The following CEP85L variants were observed in gnomAD, a reference collection of about 807,000 sequenced individuals.
CEP85L encodes centrosomal protein of 85 kDa-like.
In CEP85L, 60 loss-of-function variants were observed where a neutral mutation model predicts 100.3. The ratio of observed to expected loss-of-function variants is 0.60; its 90% CI spans 0.49 to 0.74. The LOEUF (loss-of-function observed/expected upper bound fraction) is 0.74. CEP85L is among the 30% of genes least tolerant of loss of function. CEP85L has a pLI of 0.00. For synonymous variants in CEP85L, 319 were observed against 322.7 expected, an observed-to-expected ratio of 0.99 and a Z score of 0.12; for missense variants, 973 against 936.2, an observed-to-expected ratio of 1.04 and a Z score of -0.51.
intron 3 of CEP85L, among the ~76,000 whole-genome samples, chr6:118,561,912 A>T (rs1263040947): frequency 6.6e-6 from 1 of 152,148 alleles, no homozygotes; most frequent in Non-Finnish European, 1.5e-5. Context: ...TTATCTTTTG[A>T]TTATTTTTGA....
chr6:118,584,609 T>C (rs1209268336), intron 2 of CEP85L, among the ~76,000 whole-genome samples: 3 of 152,170 alleles, frequency 2.0e-5, no homozygotes, highest in African/African-American at 7.2e-5. Context: ...AAGAAGGGAA[T>C]GGCCCTGGGA....
chr6:118,610,131 GAGATTTTTTTAA>G (rs1447208960), intron 2 of CEP85L, among the ~76,000 whole-genome samples: 5 of 152,094 alleles, frequency 3.3e-5, no homozygotes, highest in Non-Finnish European at 5.9e-5. Context: ...CTCCAATTTA[GAGATTTTTTTAA>G]AAAATGAGGC....
At chr6:118,618,365 T>C (rs997901003) in intron 2 of CEP85L, among the ~76,000 whole-genome samples, 5 of 152,204 alleles carry the variant, frequency 3.3e-5, no homozygotes, top group South Asian at 2.1e-4. Context: ...CTCTGGAATT[T>C]AGGCAGGTGT....
intron 6 of CEP85L, 84 bp downstream of exon 6, chr6:118,491,602 C>T (rs749811553): frequency 5.5e-5 from 84 of 1,524,464 alleles, no homozygotes; most frequent in Non-Finnish European, 7.3e-5. Context: ...CCTGGCATGA[C>T]ACCTGACAGG....
At chr6:118,567,505 T>C (rs1479470013) in intron 2 of CEP85L, among the ~76,000 whole-genome samples, 1 of 151,902 alleles carries the variant, frequency 6.6e-6, no homozygotes, top group Non-Finnish European at 1.5e-5. Flanking sequence ...CTCAATAAAT[T>C]TACCATCAAG....
At chr6:118,625,165 T>A (rs997550347) in intron 2 of CEP85L, among the ~76,000 whole-genome samples, 4 of 152,226 alleles carry the variant, frequency 2.6e-5, no homozygotes, top group Admixed American at 2.6e-4. Context: ...TGACTCCCAA[T>A]AGAAACATCT....
chr6:118,583,890 T>C (rs1780714022), intron 2 of CEP85L, among the ~76,000 whole-genome samples: 1 of 152,226 alleles, frequency 6.6e-6, no homozygotes, highest in Non-Finnish European at 1.5e-5. Context: ...CTATACCCTG[T>C]TAACTCAAAT....
At chr6:118,601,358 A>C (rs1431971137) in intron 2 of CEP85L, among the ~76,000 whole-genome samples, 1 of 152,214 alleles carries the variant, frequency 6.6e-6, no homozygotes, top group African/African-American at 2.4e-5. Flanking sequence ...TTGAGAAGGA[A>C]GGGCAATTTT....
rs1779703881 is a variant in CEP85L at position 118,568,885 on chromosome 6, G to C, written c.233-2569C>G. On this transcript the variant is annotated intron_variant, in intron 2 of 12. Coordinates refer to ENST00000368491, the MANE Select transcript of CEP85L (RefSeq NM_001042475.3). Reference sequence around the variant, plus strand: ...CATTATATATATTTTACATATATTTGTATTAATATTACTAAAGGAGTAGTT... The same window carrying C: ...CATTATATATATTTTACATATATTTCTATTAATATTACTAAAGGAGTAGTT... Among the ~76,000 whole-genome samples, 5 of 151,998 alleles carry C rather than the reference G, an allele frequency of 3.3e-5. No individual in the cohort carries two copies. The South Asian group carries it at 1.0e-3, about 32-fold the overall frequency.
intron 4 of CEP85L, among the ~76,000 whole-genome samples, chr6:118,521,368 T>C (rs1220837505): frequency 6.6e-6 from 1 of 152,240 alleles, no homozygotes; most frequent in East Asian, 1.9e-4. Context: ...TTATGCTGCT[T>C]TAGAAACAAA....
intron 2 of CEP85L, among the ~76,000 whole-genome samples, chr6:118,599,236 A>C (rs1052797213): frequency 1.3e-5 from 2 of 152,172 alleles, no homozygotes; most frequent in African/African-American, 4.8e-5. Context: ...GGTAGGACTA[A>C]GATGAACATG....
intron 1 of CEP85L, among the ~76,000 whole-genome samples, chr6:118,668,269 G>C (rs1776191083): frequency 6.6e-6 from 1 of 152,190 alleles, no homozygotes; most frequent in Non-Finnish European, 1.5e-5. Flanking sequence ...GAAAGGCAAA[G>C]TTTAGATATC....
intron 2 of CEP85L, among the ~76,000 whole-genome samples, chr6:118,631,357 T>G (rs1774132820): frequency 6.6e-6 from 1 of 152,214 alleles, no homozygotes; most frequent in Non-Finnish European, 1.5e-5. Flanking sequence ...ACTAGATCAC[T>G]TATACATACA....
intron 11 of CEP85L, among the ~76,000 whole-genome samples, chr6:118,470,330 T>C (rs1010727420): frequency 1.3e-5 from 2 of 152,050 alleles, no homozygotes; most frequent in Non-Finnish European, 2.9e-5. Flanking sequence ...ATATATACTG[T>C]ACTATAATTA....
At chr6:118,552,669 T>C (rs1414229120) in intron 3 of CEP85L, among the ~76,000 whole-genome samples, 6 of 152,080 alleles carry the variant, frequency 3.9e-5, no homozygotes, top group African/African-American at 4.8e-5. Flanking sequence ...GATTTTTTTT[T>C]TAATTTCCAG....
rs1439117845 is a variant in CEP85L at position 118,634,766 on chromosome 6, A to C, written c.74-2155T>G. Among the ~76,000 whole-genome samples, 3 of 152,188 alleles carry C rather than the reference A, an allele frequency of 2.0e-5. No individual in the cohort carries two copies. The East Asian group carries it at 5.8e-4, about 29-fold the overall frequency. ...GTAACATCCCATCTAAATGAGCTCA[A>C]AGTCCTGCCTAAACTATTATCAAAA... On this transcript the variant is annotated intron_variant, in intron 1 of 12. Transcript: ENST00000368491.
Position 118,487,061 on chromosome 6 carries a change from GA to G in CEP85L, c.1438-3204del, listed in dbSNP as rs1305858120. Among the ~76,000 whole-genome samples the G allele has an allele frequency of 3.3e-5, 5 of 151,868 alleles. No homozygotes were observed. The East Asian group carries it at 9.7e-4, about 29-fold the overall frequency. ...ATTATACAAATTGGGTTGAGCCCTG[GA>G]AAAAAAGAATAAAATGCTATAAGCA... On this transcript the variant is annotated intron_variant, in intron 6 of 12. Transcript: ENST00000368491.
chr6:118,534,563 G>T (rs1002076108), intron 3 of CEP85L, among the ~76,000 whole-genome samples: 1 of 152,182 alleles, frequency 6.6e-6, no homozygotes, highest in Non-Finnish European at 1.5e-5. Flanking sequence ...TGAGGCAGGA[G>T]AATCGCTTGA....
chr6:118,591,445 T>G (rs368208268), intron 2 of CEP85L, among the ~76,000 whole-genome samples: 1 of 152,166 alleles, frequency 6.6e-6, no homozygotes, highest in South Asian at 2.1e-4. Flanking sequence ...TTCATTTGCA[T>G]AGAAGTGTAA....
Sources: gnomAD v4.1 joint callset for allele counts (sites outside exome capture counted in the v4.1 genomes callset) on GRCh38, gnomAD v4.1.1 for gene constraint, MANE v1.5 for transcripts, NCBI Gene and HGNC (gene_info 2026-07-23, HGNC 2026-07-21) for gene names.